GPATCH11: variants seen among roughly 807,000 people sequenced by gnomAD.
GPATCH11 encodes G patch domain-containing protein 11.
In GPATCH11, 32 loss-of-function variants were observed where a neutral mutation model predicts 44.8. The ratio of observed to expected loss-of-function variants is 0.71; its 90% confidence interval spans 0.54 to 0.96. The LOEUF is 0.96. GPATCH11 is among the 40% of genes least tolerant of loss of function. GPATCH11 has a pLI of 0.00. For synonymous variants in GPATCH11, 84 were observed against 94.4 expected (o/e 0.89, Z 0.64); for missense variants, 324 against 303.1 (o/e 1.07, Z -0.51).
chr2:37,085,238 A>C (rs1672946509), intron 1 of GPATCH11, among the ~76,000 whole-genome samples: 1 of 152,178 alleles, frequency 6.6e-6, no homozygotes, highest in Non-Finnish European at 1.5e-5. Flanking sequence ...AAACAATGTA[A>C]TCCTATTTGC....
In GPATCH11 at chr2:37,096,235, C is replaced by T; in HGVS notation, c.764C>T (p.Pro255Leu). The T allele has an allele frequency of 1.3e-6, 2 of 1,588,488 alleles. No homozygotes were observed. Among genetic ancestry groups the T allele is most frequent in the Non-Finnish European group, 1.7e-6 (2 of 1,166,250 alleles). Residue 255 changes from proline to leucine, a missense_variant, in exon 9 of 9, where the codon CCA (proline) becomes CTA (leucine). Coordinates refer to ENST00000674370, the MANE Select transcript of GPATCH11 (RefSeq NM_174931.4). ...EDKEDLSSNC[P>L]GPTSADHD ...AAAGAAGACCTATCTTCAAATTGTC[C>T]AGGACCAACTTCTGCAGATCATGAC...
Position 37,094,207 on chromosome 2 carries a change from A to G in GPATCH11, c.654+12A>G. The G allele has an allele frequency of 6.8e-7, 1 of 1,473,360 alleles. No individual in the cohort carries two copies. Among genetic ancestry groups the G allele is most frequent in the African/African-American group, 1.4e-5 (1 of 71,686 alleles). 91.3% of individuals were successfully genotyped at this position (1,473,360 alleles called of 1,614,324 possible). A position where few individuals can be genotyped will look rare whatever the true frequency, so the allele number is the denominator to read the frequency against. ...GTGAAGATTTAAGCGTATGCTTTGC[A>G]CCATTTCCTTCATAGGGTGTCTCAG... On this transcript the variant is annotated intron_variant, in intron 7 of 8. Coordinates refer to ENST00000674370, the MANE Select transcript of GPATCH11 (RefSeq NM_174931.4).
rs1558399336 is a variant in GPATCH11, at chr2:37,096,308, C to A, written c.*45C>A. On this transcript the variant is annotated 3_prime_UTR_variant, in exon 9 of 9. Transcript: ENST00000674370. ...GAAACTTGAAAAATGTTATTACTTC[C>A]TAGGGATAGACAATTTAGCAGTTGG... 1 of 1,233,244 alleles carries A rather than the reference C, an allele frequency of 8.1e-7. No individual in the cohort carries two copies. Among genetic ancestry groups the A allele is most frequent in the Admixed American group, 2.3e-5 (1 of 43,748 alleles). The allele number at this position is 1,233,244 out of a possible 1,614,324, so 76.4% of individuals were successfully genotyped here. A position where few individuals can be genotyped will look rare whatever the true frequency, so the allele number is the denominator to read the frequency against.
intron 7 of GPATCH11, among the ~76,000 whole-genome samples, chr2:37,095,098 A>C (rs1009543168): frequency 6.6e-6 from 1 of 152,222 alleles, no homozygotes; most frequent in African/African-American, 2.4e-5. Flanking sequence ...TTATGGCAAA[A>C]GGAGGCCATA....
chr2:37,093,429 C>G (rs1221368141), intron 6 of GPATCH11, among the ~76,000 whole-genome samples: 2 of 152,180 alleles, frequency 1.3e-5, no homozygotes, highest in African/African-American at 4.8e-5. Flanking sequence ...TCTCAAAAAG[C>G]TTTGTAAAAT....
chr2:37,095,349 G>A (rs1306977681), intron 7 of GPATCH11, 88 bp from the exon 8 acceptor site: 1 of 1,447,984 alleles, frequency 6.9e-7, no homozygotes, highest in Admixed American at 2.9e-5. Flanking sequence ...AATATTTACA[G>A]CCTTGAGCTA....
At chr2:37,092,321 T>C in intron 6 of GPATCH11, 66 bp downstream of exon 6, 1 of 298,430 alleles carries the variant, frequency 3.4e-6, no homozygotes, top group Non-Finnish European at 5.9e-6. Flanking sequence ...TCCCGTTTAT[T>C]TATTATATAT....
Position 37,098,776 on chromosome 2 carries a change from G to A in GPATCH11, c.*2513G>A, listed in dbSNP as rs1280019844. Reference sequence around the variant, plus strand: ...AAATACAGGCTTTCAGCCGGGTGCAGTGGTGCATGCCTTTGGTCCCAGCTA... The same window carrying A: ...AAATACAGGCTTTCAGCCGGGTGCAATGGTGCATGCCTTTGGTCCCAGCTA... On this transcript the variant is annotated 3_prime_UTR_variant, in exon 9 of 9. Coordinates refer to ENST00000674370, the MANE Select transcript of GPATCH11 (RefSeq NM_174931.4). 1 of 152,216 alleles carries A rather than the reference G, an allele frequency of 6.6e-6. No individual in the cohort carries two copies. 9.4% of individuals were successfully genotyped at this position (152,216 alleles called of 1,614,324 possible). A position where few individuals can be genotyped will look rare whatever the true frequency, so the allele number is the denominator to read the frequency against.
chr2:37,091,994 A>C lies in GPATCH11; in HGVS notation c.407A>C (p.His136Pro). The change falls in exon 5 of 9, where the codon CAC becomes CCC. Residue 136 changes from histidine to proline, a missense_variant. Coordinates refer to ENST00000674370, the MANE Select transcript of GPATCH11 (RefSeq NM_174931.4). ...EKLESYRKKI[H>P]MKNQAEEKAA... is the part of the protein sequence containing the mutation. ...TTGGAAAGCTACAGAAAAAAGATTC[A>C]CATGAAAAACCAAGCTGAAGAAAAA... is the stretch of plus-strand genomic sequence containing the variant. The C allele has an allele frequency of 6.2e-7, 1 of 1,613,408 alleles. No individual in the cohort carries two copies. The highest frequency in any genetic ancestry group is 8.5e-7 in the Non-Finnish European group (1 of 1,179,504).
chr2:37,087,647 G>A (rs1302801547), intron 1 of GPATCH11, among the ~76,000 whole-genome samples: 1 of 152,076 alleles, frequency 6.6e-6, no homozygotes, highest in African/African-American at 2.4e-5. Flanking sequence ...GAGCAGCTTG[G>A]ACATAAAGTG....
rs1477434621 is a variant in GPATCH11, at chr2:37,097,662, A to G, written c.*1399A>G. The G allele has an allele frequency of 6.6e-6, 1 of 152,258 alleles. No individual in the cohort carries two copies. The highest frequency in any genetic ancestry group is 2.4e-5 in the African/African-American group (1 of 41,470). The allele number at this position is 152,258 out of a possible 1,614,324, so 9.4% of individuals were successfully genotyped here. A position where few individuals can be genotyped will look rare whatever the true frequency, so the allele number is the denominator to read the frequency against. On this transcript the variant is annotated 3_prime_UTR_variant, in exon 9 of 9. Transcript: ENST00000674370. ...ACCCCTTTTATTAGAAACAGCATAC[A>G]TAAGAAGATTGTAAAAATTAACCTA... is the stretch of plus-strand genomic sequence containing the variant.
In GPATCH11 at chr2:37,088,449, A is replaced by C; in HGVS notation, c.59+9A>C. 1 of 1,421,570 alleles carries C rather than the reference A, an allele frequency of 7.0e-7. No individual in the cohort carries two copies. The highest frequency in any genetic ancestry group is 9.9e-7 in the Non-Finnish European group (1 of 1,011,482). 88.1% of individuals were successfully genotyped at this position (1,421,570 alleles called of 1,614,324 possible). On this transcript the variant is annotated intron_variant, in intron 2 of 8. Transcript: ENST00000674370. Reference sequence around the variant, plus strand: ...TCCTTCATTAATGTCCAGTAAGTAAATGTGCACACCCAGTGCAATGATATG... The same window carrying C: ...TCCTTCATTAATGTCCAGTAAGTAACTGTGCACACCCAGTGCAATGATATG...
At chr2:37,085,640 T>C (rs1328443375) in intron 1 of GPATCH11, among the ~76,000 whole-genome samples, 1 of 151,822 alleles carries the variant, frequency 6.6e-6, no homozygotes, top group Non-Finnish European at 1.5e-5. Flanking sequence ...CAAAAGAGAG[T>C]TGCAACTGGA....
Position 37,088,445 on chromosome 2 carries a change from G to A in GPATCH11, c.59+5G>A. 6.7e-7 allele frequency: 1 copy of A among 1,487,216 alleles called. No homozygotes were observed. Among genetic ancestry groups the A allele is most frequent in the Non-Finnish European group, 9.3e-7 (1 of 1,071,140 alleles). 92.1% of individuals were successfully genotyped at this position (1,487,216 alleles called of 1,614,324 possible). On this transcript the variant is annotated splice_donor_5th_base_variant and intron_variant, in intron 2 of 8. Coordinates refer to ENST00000674370, the MANE Select transcript of GPATCH11 (RefSeq NM_174931.4). Reference sequence around the variant, plus strand: ...TGATTCCTTCATTAATGTCCAGTAAGTAAATGTGCACACCCAGTGCAATGA... The same window carrying A: ...TGATTCCTTCATTAATGTCCAGTAAATAAATGTGCACACCCAGTGCAATGA...
chr2:37,090,788 T>C lies in GPATCH11; in HGVS notation c.328+66T>C, dbSNP rs1023770526. ...CTTACGCTTAGGTCTACCACATATA[T>C]TTGCTCAATAAATACTTTTTTTTAA... On this transcript the variant is annotated intron_variant, in intron 4 of 8. Coordinates refer to ENST00000674370, the MANE Select transcript of GPATCH11 (RefSeq NM_174931.4). 3 of 775,918 alleles carry C rather than the reference T, an allele frequency of 3.9e-6. No individual in the cohort carries two copies. The African/African-American group carries it at 5.3e-5, about 14-fold the overall frequency. The allele number at this position is 775,918 out of a possible 1,614,324, so 48.1% of individuals were successfully genotyped here. A position where few individuals can be genotyped will look rare whatever the true frequency, so the allele number is the denominator to read the frequency against.
In GPATCH11 at chr2:37,094,106, TG is replaced by T; in HGVS notation, c.567del (p.Trp189CysfsTer4). ...GAATATTCAGGTTCCCAGGGAAGCA[TG>T]GTACTGGTTGAGGCTTGAAGAGGAG... The part of the protein sequence containing the change: ...QKNIQVPREA[W>X]YWLRLEEETE... On this transcript the variant is annotated frameshift_variant, in exon 7 of 9. Transcript: ENST00000674370. LOFTEE classifies it high-confidence loss of function. 1 of 1,598,906 alleles carries T rather than the reference TG, an allele frequency of 6.3e-7. No individual in the cohort carries two copies. Among genetic ancestry groups the T allele is most frequent in the South Asian group, 1.1e-5 (1 of 87,876 alleles).
At chr2:37,092,474 T>G (rs534419000) in intron 6 of GPATCH11, among the ~76,000 whole-genome samples, 17 of 135,958 alleles carry the variant, frequency 1.3e-4, no homozygotes, top group African/African-American at 4.0e-4. Context: ...TGTATTTATA[T>G]ATATAATATA....
At position 37,098,628 on chromosome 2, in the gene GPATCH11, C is replaced by G. The variant is rs1467165183; in HGVS notation, c.*2365C>G. 1 of 152,150 alleles carries G rather than the reference C, an allele frequency of 6.6e-6. No individual in the cohort carries two copies. The highest frequency in any genetic ancestry group is 1.5e-5 in the Non-Finnish European group (1 of 68,074). The allele number at this position is 152,150 out of a possible 1,614,324, so 9.4% of individuals were successfully genotyped here. ...TTCATGACAATTATGCTGAGAATGC[C>G]AGGATAACACTGATGGAACCCATGA... is the stretch of plus-strand genomic sequence containing the variant. On this transcript the variant is annotated 3_prime_UTR_variant, in exon 9 of 9. Coordinates refer to ENST00000674370, the MANE Select transcript of GPATCH11 (RefSeq NM_174931.4).
chr2:37,095,364 G>T, intron 7 of GPATCH11, 73 bp from the exon 8 acceptor site: 1 of 1,502,922 alleles, frequency 6.7e-7, no homozygotes. Flanking sequence ...GAGCTAATTC[G>T]GCACGATCTA....
Sources: gnomAD v4.1 joint callset for allele counts (sites outside exome capture counted in the v4.1 genomes callset) on GRCh38, gnomAD v4.1.1 for gene constraint, MANE v1.5 for transcripts, NCBI Gene and HGNC (gene_info 2026-07-23, HGNC 2026-07-21) for gene names.